SMARCA2: variants seen among roughly 807,000 people sequenced by gnomAD.
The protein encoded by SMARCA2 is SWI/SNF related BAF chromatin remodeling complex subunit ATPase 2, also known as SWI/SNF-related matrix-associated actin-dependent regulator of chromatin subfamily A member 2.
A neutral mutation model predicts 199.8 loss-of-function variants in SMARCA2; 61 were observed. The observed-to-expected ratio is 0.31, with a 90% CI of 0.25 to 0.38. The LOEUF is 0.38. Ranked by LOEUF, SMARCA2 falls within the 10% of genes least tolerant of loss-of-function variation. The pLI, the probability that SMARCA2 is intolerant of heterozygous loss-of-function variation, is 1.00. For synonymous variants in SMARCA2, 935 were observed against 732.0 expected (o/e 1.28, Z -4.48); for missense variants, 1,344 against 2,012.2 (o/e 0.67, Z 6.35).
intron 29 of SMARCA2, among the ~76,000 whole-genome samples, chr9:2,174,488 G>A (rs760868818): frequency 9.2e-5 from 14 of 152,150 alleles, no homozygotes; most frequent in Non-Finnish European, 1.8e-4. Context: ...TGCCTGCCAC[G>A]ACCCACCCAT....
At chr9:2,160,528 A>G in intron 27 of SMARCA2, 1 of 667,692 alleles carries the variant, frequency 1.5e-6, no homozygotes, top group Admixed American at 2.1e-5. Flanking sequence ...AGTGAAAGAA[A>G]TTATGTCTGA....
At chr9:2,164,831 C>G (rs1254523225) in intron 28 of SMARCA2, among the ~76,000 whole-genome samples, 2 of 152,130 alleles carry the variant, frequency 1.3e-5, no homozygotes, top group African/African-American at 2.4e-5. Flanking sequence ...CCTGGTAAGA[C>G]ACATTCTATT....
intron 3 of SMARCA2, among the ~76,000 whole-genome samples, chr9:2,038,730 T>C (rs1191169891): frequency 6.6e-6 from 1 of 152,154 alleles, no homozygotes; most frequent in Non-Finnish European, 1.5e-5. Flanking sequence ...AGTGTCCCCT[T>C]ACCTTCCCAG....
Position 2,037,705 on chromosome 9 carries a change from T to TATGTG in SMARCA2, c.356-1757_356-1753dup, listed in dbSNP as rs529252419. On this transcript the variant is annotated intron_variant, in intron 3 of 33. Transcript: ENST00000349721. ...ATGCAGCAGGAATTTAATAAACACT[T>TATGTG]ATGTGATGACCTTTGTGAGAACTGT... 5.6e-3 allele frequency among the ~76,000 whole-genome samples: 850 copies of TATGTG among 152,326 alleles called. 9 individuals are homozygous for TATGTG. The highest frequency in any genetic ancestry group is 0.019 in the African/African-American group (795 of 41,564).
At chr9:2,154,938 A>T (rs1825271543) in intron 27 of SMARCA2, among the ~76,000 whole-genome samples, 1 of 152,168 alleles carries the variant, frequency 6.6e-6, no homozygotes, top group South Asian at 2.1e-4. Flanking sequence ...GTAGATAGTA[A>T]CTTGATTGAT....
intron 31 of SMARCA2, among the ~76,000 whole-genome samples, chr9:2,182,478 CTTTTTTTTTTTTTT>C (rs145095906): frequency 4.7e-4 from 45 of 96,714 alleles, no homozygotes; most frequent in South Asian, 1.1e-3. Context: ...AGCTTATAGT[CTTTTTTTTTTTTTT>C]TTTTTTTTTT....
At chr9:2,112,975 G>C (rs558936618) in intron 24 of SMARCA2, among the ~76,000 whole-genome samples, 5 of 152,160 alleles carry the variant, frequency 3.3e-5, no homozygotes, top group Non-Finnish European at 7.3e-5. Context: ...ACCCATGTCT[G>C]TTTAGGTTTC....
At position 2,058,483 on chromosome 9, in the gene SMARCA2, G is replaced by A; in HGVS notation, c.1521+19G>A. 1 of 1,610,742 alleles carries A rather than the reference G, an allele frequency of 6.2e-7. No individual in the cohort carries two copies. On this transcript the variant is annotated intron_variant, in intron 8 of 33. Transcript: ENST00000349721. ...ACTGATGGTAAGGAACTCCCTGCAG[G>A]AGCCCAGGAAACTACTCAACCCACG...
rs73638366 is a variant in SMARCA2, at chr9:2,047,879, C to T, written c.1046+395C>T. 9.2e-3 allele frequency: 1,408 copies of T among 153,784 alleles called. 16 individuals carry two copies. The highest frequency in any genetic ancestry group is 0.032 in the African/African-American group (1,328 of 41,602). 9.5% of individuals were successfully genotyped at this position (153,784 alleles called of 1,614,324 possible). ...GCTTGGTATAATCTTTGTTTTAATT[C>T]ACGTGTGTCTATGCAGTGATCCAGC... On this transcript the variant is annotated intron_variant, in intron 5 of 33. Coordinates refer to ENST00000349721, the MANE Select transcript of SMARCA2 (RefSeq NM_003070.5).
At chr9:2,081,744 T>G in intron 14 of SMARCA2, 88 bp from the exon 15 acceptor site, 1 of 1,183,574 alleles carries the variant, frequency 8.4e-7, no homozygotes, top group African/African-American at 1.5e-5. Flanking sequence ...CAGTGAGGAG[T>G]TAAGAAGTCA....
At position 2,070,461 on chromosome 9, in the gene SMARCA2, C is replaced by T. The variant is rs768235436; in HGVS notation, c.1736C>T (p.Pro579Leu). The T allele has an allele frequency of 1.5e-5, 25 of 1,613,080 alleles. No homozygotes were observed. The highest frequency in any genetic ancestry group is 5.0e-5 in the Admixed American group (3 of 59,990). ...GAGGGTGGGGAGTCTGCCCTGGGAC[C>T]GGATGGAGAGGTAAGGGATCGTCAT... ...NAEGGESALG[P>L]DGEPIDESSQ... The change falls in exon 10 of 34, where the codon CCG becomes CTG. Residue 579 changes from proline (P) to leucine (L), a missense_variant. By Grantham distance (98) the Pro-to-Leu change is moderately conservative. Transcript: ENST00000349721.
At chr9:2,060,740 G>C in intron 8 of SMARCA2, 76 bp from the exon 9 acceptor site, 1 of 1,391,402 alleles carries the variant, frequency 7.2e-7, no homozygotes. Context: ...AGACTGTCAA[G>C]GGGAGGACAG....
intron 31 of SMARCA2, among the ~76,000 whole-genome samples, chr9:2,182,926 G>A (rs2129897836): frequency 6.6e-6 from 1 of 152,122 alleles, no homozygotes; most frequent in African/African-American, 2.4e-5. Context: ...GAGTAGCTGG[G>A]ATTACAGGCA....
rs544257517 is a variant in SMARCA2 at position 2,016,813 on chromosome 9, C to T, written c.-37+1409C>T. Reference sequence around the variant, plus strand: ...AACCTGGTTTACCCCTTCCTTTGCTCTCCCCCTCCACCCGGCCGTCTTCCC... The same window carrying T: ...AACCTGGTTTACCCCTTCCTTTGCTTTCCCCCTCCACCCGGCCGTCTTCCC... On this transcript the variant is annotated intron_variant, in intron 1 of 33. Transcript: ENST00000349721. The surrounding 1 kb of genome is among the most constrained non-coding windows in gnomAD (Gnocchi z 5.6). Among the ~76,000 whole-genome samples the T allele has an allele frequency of 1.3e-5, 2 of 152,336 alleles. No individual in the cohort carries two copies. The highest frequency in any genetic ancestry group is 2.1e-4 in the South Asian group (1 of 4,832).
At chr9:2,062,441 G>A (rs1226613107) in intron 9 of SMARCA2, among the ~76,000 whole-genome samples, 2 of 152,122 alleles carry the variant, frequency 1.3e-5, no homozygotes, top group African/African-American at 2.4e-5. Context: ...TTGAGATTAT[G>A]GCTTACAATT....
chr9:2,159,709 G>A (rs1825565700), intron 27 of SMARCA2: 1 of 1,448,768 alleles, frequency 6.9e-7, no homozygotes, highest in Admixed American at 2.1e-5. Flanking sequence ...TGAAACAGCA[G>A]ATTTGAGTAT....
intron 27 of SMARCA2, among the ~76,000 whole-genome samples, chr9:2,129,102 G>A (rs6475513): frequency 0.31 from 47,776 of 151,932 alleles, 12,280 homozygotes; most frequent in African/African-American, 0.7. Context: ...CAACGGATTC[G>A]GATTGATTAT....
intron 8 of SMARCA2, 86 bp from the exon 9 acceptor site, chr9:2,060,730 A>G: frequency 1.5e-6 from 2 of 1,292,868 alleles, no homozygotes; most frequent in Non-Finnish European, 2.2e-6. Flanking sequence ...GTCAAAATGC[A>G]GACTGTCAAG....
intron 27 of SMARCA2, among the ~76,000 whole-genome samples, chr9:2,126,731 G>C (rs1453563923): frequency 6.6e-6 from 1 of 152,252 alleles, no homozygotes; most frequent in African/African-American, 2.4e-5. Context: ...GCATCGCAGA[G>C]CTGCAAGGCA....
Sources: allele counts gnomAD v4.1 joint callset (sites outside exome capture counted in the v4.1 genomes callset), GRCh38; gene constraint gnomAD v4.1.1; non-coding constraint Gnocchi (gnomAD v3.1); transcripts MANE v1.5; gene names NCBI Gene and HGNC (gene_info 2026-07-23, HGNC 2026-07-21).